The following DLC1 variants were observed in gnomAD, a reference collection of about 807,000 sequenced individuals.
DLC1 encodes DLC1 Rho GTPase activating protein.
In DLC1, 54 loss-of-function variants were observed where a neutral mutation model predicts 140.3. The ratio of observed to expected loss-of-function variants is 0.38; its 90% CI spans 0.31 to 0.48. DLC1 has a LOEUF of 0.48. Among genes scored for constraint, DLC1 ranks in the 20% least tolerant of loss-of-function variants. The pLI is 0.96. For missense variants in DLC1, 2,536 were observed against 1,907.0 expected, an observed-to-expected ratio of 1.33 and a Z score of -6.14; for synonymous variants, 986 against 728.1, an observed-to-expected ratio of 1.35 and a Z score of -5.70.
At chr8:13,141,610 G>A (rs1822998317) in intron 5 of DLC1, among the ~76,000 whole-genome samples, 1 of 152,090 alleles carries the variant, frequency 6.6e-6, no homozygotes, top group South Asian at 2.1e-4. Context: ...CTATGGGGTG[G>A]GTTCGGGCAA....
chr8:13,086,603 T>C, intron 16 of DLC1, 140 bp from the exon 17 acceptor site: 1 of 874,114 alleles, frequency 1.1e-6, no homozygotes, highest in South Asian at 1.8e-5. Context: ...CCTAGGTAAA[T>C]GGCATCCTCT....
intron 2 of DLC1, among the ~76,000 whole-genome samples, chr8:13,403,677 C>T (rs1399097710): frequency 6.6e-6 from 1 of 151,932 alleles, no homozygotes; most frequent in Admixed American, 6.6e-5. Context: ...ACTCTGTTGC[C>T]CAGGCTGTAG....
At chr8:13,147,010 C>T (rs775521734) in intron 5 of DLC1, among the ~76,000 whole-genome samples, 1 of 152,086 alleles carries the variant, frequency 6.6e-6, no homozygotes, top group African/African-American at 2.4e-5. Context: ...TTCTCTAAAC[C>T]GTGTTGAAAA....
intron 2 of DLC1, among the ~76,000 whole-genome samples, chr8:13,479,905 A>G (rs188870710): frequency 1.3e-3 from 197 of 151,024 alleles, no homozygotes; most frequent in African/African-American, 4.5e-3. Flanking sequence ...AAGAAAGAAG[A>G]AAAGTATACA....
chr8:13,365,330 C>T (rs751591192), intron 4 of DLC1, among the ~76,000 whole-genome samples: 16 of 152,142 alleles, frequency 1.1e-4, no homozygotes, highest in Non-Finnish European at 4.4e-5. Flanking sequence ...CTAAGGTGCA[C>T]GTGGAGCTGA....
intron 2 of DLC1, among the ~76,000 whole-genome samples, chr8:13,456,663 G>A (rs1585140430): frequency 6.6e-6 from 1 of 151,860 alleles, no homozygotes; most frequent in South Asian, 2.1e-4. Context: ...TTCACCATGT[G>A]GGCCAGGCTG....
intron 5 of DLC1, among the ~76,000 whole-genome samples, chr8:13,126,362 T>C (rs1485262840): frequency 8.3e-6 from 1 of 120,208 alleles, no homozygotes; most frequent in Non-Finnish European, 1.7e-5. Flanking sequence ...CATATCTCTC[T>C]ATCCATACAC....
chr8:13,475,848 A>G (rs749985622), intron 2 of DLC1, among the ~76,000 whole-genome samples: 3 of 152,236 alleles, frequency 2.0e-5, no homozygotes, highest in African/African-American at 4.8e-5. Flanking sequence ...TTGGAAAACT[A>G]GAGTGAAATT....
intron 5 of DLC1, among the ~76,000 whole-genome samples, chr8:13,120,557 A>G (rs1820975650): frequency 6.6e-6 from 1 of 151,684 alleles, no homozygotes; most frequent in African/African-American, 2.4e-5. Flanking sequence ...GTGGGTGGTG[A>G]TGTGAAAATT....
At chr8:13,265,460 A>C (rs1830646027) in intron 5 of DLC1, among the ~76,000 whole-genome samples, 1 of 152,202 alleles carries the variant, frequency 6.6e-6, no homozygotes, top group African/African-American at 2.4e-5. Flanking sequence ...TTTATGCAGC[A>C]AAGTGGGAGT....
At chr8:13,487,596 C>T (rs1194434427) in intron 2 of DLC1, among the ~76,000 whole-genome samples, 21 of 146,076 alleles carry the variant, frequency 1.4e-4, no homozygotes, top group African/African-American at 2.9e-4. Context: ...TTTTTTGAAA[C>T]GGAGTCTCAC....
chr8:13,271,224 GAAA>G (rs1366947715), intron 5 of DLC1, among the ~76,000 whole-genome samples: 3 of 152,188 alleles, frequency 2.0e-5, no homozygotes, highest in Non-Finnish European at 4.4e-5. Flanking sequence ...CCTATGATTG[GAAA>G]AGTGTTTGTT....
At chr8:13,435,660 G>C (rs887705101) in intron 2 of DLC1, among the ~76,000 whole-genome samples, 1 of 152,126 alleles carries the variant, frequency 6.6e-6, no homozygotes, top group Admixed American at 6.5e-5. Flanking sequence ...TCTTTCAGAT[G>C]GCATCTACTC....
chr8:13,576,093 T>G (rs972181518), intron 1 of DLC1, among the ~76,000 whole-genome samples: 1 of 152,218 alleles, frequency 6.6e-6, no homozygotes, highest in African/African-American at 2.4e-5. Flanking sequence ...CTAAATATAC[T>G]GGCCCTTAGA....
chr8:13,086,500 T>C (rs751184275), intron 16 of DLC1, 37 bp from the exon 17 acceptor site: 276 of 1,601,394 alleles, frequency 1.7e-4, no homozygotes, highest in Non-Finnish European at 2.3e-4. Flanking sequence ...ATGATGGAAT[T>C]TCATAGAAGC....
intron 3 of DLC1, among the ~76,000 whole-genome samples, chr8:13,397,765 G>A (rs1837113723): frequency 6.6e-6 from 1 of 152,106 alleles, no homozygotes; most frequent in Admixed American, 6.5e-5. Flanking sequence ...GAGCCCAGGA[G>A]TTTGAGGCCA....
intron 5 of DLC1, among the ~76,000 whole-genome samples, chr8:13,120,356 A>AAAAAAAAAAAAAAAAAATATATATATAT: frequency 6.5e-5 from 4 of 61,134 alleles, no homozygotes; most frequent in Admixed American, 2.7e-4. Context: ...AAAAAAAAAA[A>AAAAAAAAAAAAAAAAAATATATATATAT]ATATATATAT....
At chr8:13,595,516 G>A (rs1805653909) in intron 1 of DLC1, among the ~76,000 whole-genome samples, 1 of 152,142 alleles carries the variant, frequency 6.6e-6, no homozygotes, top group South Asian at 2.1e-4. Context: ...AGCCATTAAT[G>A]AGATAAATAC....
chr8:13,099,227 T>C, intron 9 of DLC1, 120 bp downstream of exon 9: 1 of 1,472,650 alleles, frequency 6.8e-7, no homozygotes, highest in South Asian at 1.4e-5. Context: ...ACACCTTCCT[T>C]AGGAATGGAC....
Sources: allele counts gnomAD v4.1 joint callset (sites outside exome capture counted in the v4.1 genomes callset), GRCh38; gene constraint gnomAD v4.1.1; transcripts MANE v1.5; gene names NCBI Gene and HGNC (gene_info 2026-07-23, HGNC 2026-07-21).